Variants in ADAM18 observed in about 807,000 individuals in gnomAD.
ADAM18 encodes the protein ADAM metallopeptidase domain 18.
A neutral mutation model predicts 94.4 loss-of-function variants in ADAM18; 117 were observed. The ratio of observed to expected loss-of-function variants is 1.24; its 90% CI spans 1.07 to 1.45. The LOEUF (loss-of-function observed/expected upper bound fraction) is 1.45, where lower values mean the gene tolerates loss of function less well. Ranked by LOEUF, ADAM18 falls within the 40% of genes most tolerant of loss-of-function variation. ADAM18 has a pLI of 0.00. For synonymous variants in ADAM18, 327 were observed against 291.6 expected, an observed-to-expected ratio of 1.12 and a Z score of -1.24; for missense variants, 936 against 880.0, an observed-to-expected ratio of 1.06 and a Z score of -0.81.
chr8:39,624,328 T>C (rs2129578887), intron 6 of ADAM18, among the ~76,000 whole-genome samples: 1 of 152,312 alleles, frequency 6.6e-6, no homozygotes. Context: ...TTTTTGTATA[T>C]GGTGAGAGAG....
At chr8:39,643,748 A>G (rs1385002534) in intron 10 of ADAM18, among the ~76,000 whole-genome samples, 1 of 151,746 alleles carries the variant, frequency 6.6e-6, no homozygotes, top group Non-Finnish European at 1.5e-5. Flanking sequence ...TTCTGTTCAC[A>G]TGAAGTTCTT....
chr8:39,650,015 A>G (rs1820489517), intron 12 of ADAM18, among the ~76,000 whole-genome samples: 1 of 152,228 alleles, frequency 6.6e-6, no homozygotes, highest in Admixed American at 6.5e-5. Flanking sequence ...AACAGATACT[A>G]TATGACAAGC....
At chr8:39,715,724 TAAAAC>T (rs1305083811) in intron 18 of ADAM18, among the ~76,000 whole-genome samples, 1 of 151,798 alleles carries the variant, frequency 6.6e-6, no homozygotes, top group African/African-American at 2.4e-5. Flanking sequence ...AACAACACAA[TAAAAC>T]AAAACTCACA....
chr8:39,694,399 G>A (rs917078044), intron 17 of ADAM18, among the ~76,000 whole-genome samples: 1 of 151,240 alleles, frequency 6.6e-6, no homozygotes, highest in East Asian at 1.9e-4. Flanking sequence ...TTTTAAAATA[G>A]TAAGCCAACT....
chr8:39,630,806 C>T (rs543930966), intron 7 of ADAM18, among the ~76,000 whole-genome samples: 25 of 151,926 alleles, frequency 1.6e-4, no homozygotes, highest in African/African-American at 5.8e-4. Context: ...TATTGGTAAA[C>T]AGTTGAAAAG....
chr8:39,610,600 T>C lies in ADAM18; in HGVS notation c.416T>C (p.Ile139Thr), dbSNP rs1489390838. The C allele has an allele frequency of 6.2e-7, 1 of 1,613,020 alleles. No homozygotes were observed. Among genetic ancestry groups the C allele is most frequent in the South Asian group, 1.1e-5 (1 of 90,978 alleles). ...GAATCTTCAGCAAGATTTGAGCATA[T>C]AATTTATCAAATGAAAAATAATGAT... is the stretch of plus-strand genomic sequence containing the variant. ...PVESSARFEH[I>T]IYQMKNNDPN... Residue 139 changes from isoleucine (I) to threonine (T), a missense_variant, in exon 6 of 20, where the codon ATA (isoleucine) becomes ACA (threonine). Ile to Thr is a moderately conservative substitution (Grantham distance 89). Coordinates refer to ENST00000265707, the MANE Select transcript of ADAM18 (RefSeq NM_014237.3).
intron 7 of ADAM18, among the ~76,000 whole-genome samples, chr8:39,635,773 G>A (rs1428993696): frequency 6.6e-6 from 1 of 152,038 alleles, no homozygotes; most frequent in East Asian, 1.9e-4. Flanking sequence ...TTCTAGAAAT[G>A]TTTCTCAGTT....
chr8:39,719,640 G>A (rs574868122), intron 18 of ADAM18, among the ~76,000 whole-genome samples: 4 of 151,322 alleles, frequency 2.6e-5, no homozygotes, highest in African/African-American at 9.7e-5. Flanking sequence ...TAAAAAAGGG[G>A]GGCAAAATAA....
chr8:39,689,538 G>C (rs546748789), intron 16 of ADAM18, among the ~76,000 whole-genome samples: 1 of 152,246 alleles, frequency 6.6e-6, no homozygotes, highest in African/African-American at 2.4e-5. Flanking sequence ...TCTCTGTTCT[G>C]TTCCTTTGGT....
At position 39,668,042 on chromosome 8, in the gene ADAM18, G is replaced by A. The variant is rs753436173; in HGVS notation, c.1371G>A (p.Glu457=). Residue 457 remains glutamate (E), a synonymous_variant, in exon 14 of 20, where the codon GAG becomes GAA. Transcript: ENST00000265707. ...CATGTAGAAAGAGTATTGATCCAGA[G>A]TGTGATTTTACAGAGTACTGCAATG... ...GTPCRKSIDP[E]CDFTEYCNGT... 1 of 1,614,094 alleles carries A rather than the reference G, an allele frequency of 6.2e-7. No individual in the cohort carries two copies. The highest frequency in any genetic ancestry group is 8.5e-7 in the Non-Finnish European group (1 of 1,179,988).
rs10093377 is a variant in ADAM18 at position 39,721,293 on chromosome 8, A to G, written c.2018-2455A>G. 5.8e-3 allele frequency among the ~76,000 whole-genome samples: 876 copies of G among 151,650 alleles called. 11 individuals carry two copies. Among genetic ancestry groups the G allele is most frequent in the African/African-American group, 0.02 (837 of 41,504 alleles). ...CAAGACAGGTTAACAACTTAAATGT[A>G]AGACTTGAAAGTATAAAAGTTCTTA... On this transcript the variant is annotated intron_variant, in intron 18 of 19. Coordinates refer to ENST00000265707, the MANE Select transcript of ADAM18 (RefSeq NM_014237.3).
At chr8:39,727,678 T>C (rs1014027120) in intron 19 of ADAM18, among the ~76,000 whole-genome samples, 9 of 152,192 alleles carry the variant, frequency 5.9e-5, no homozygotes, top group African/African-American at 2.2e-4. Flanking sequence ...CATATCACTG[T>C]CAGCCTTTTG....
At chr8:39,695,449 A>T (rs1475133796) in intron 17 of ADAM18, among the ~76,000 whole-genome samples, 1 of 151,466 alleles carries the variant, frequency 6.6e-6, no homozygotes, top group Non-Finnish European at 1.5e-5. Flanking sequence ...TTTAGTGGTA[A>T]CTCAATGTTG....
rs2129579595 is a variant in ADAM18, at chr8:39,648,403, T to C, written c.1106T>C (p.Val369Ala). ...AGCATGCACGACTATAGATATTTTG[T>C]TTCAAAATTTGAGACTAAATGCCTT... Reference protein sequence around the residue: ...NCSMHDYRYFVSKFETKCLQK... With the variant: ...NCSMHDYRYFASKFETKCLQK... Residue 369 changes from valine to alanine, a missense_variant, in exon 12 of 20, where the codon GTT (valine) becomes GCT (alanine). By Grantham distance (64) the Val-to-Ala change is moderately conservative. Transcript: ENST00000265707. The C allele has an allele frequency of 6.2e-7, 1 of 1,613,168 alleles. No individual in the cohort carries two copies. Among genetic ancestry groups the C allele is most frequent in the Non-Finnish European group, 8.5e-7 (1 of 1,179,620 alleles).
intron 14 of ADAM18, among the ~76,000 whole-genome samples, chr8:39,673,881 C>T (rs1204077474): frequency 6.6e-6 from 1 of 152,136 alleles, no homozygotes; most frequent in African/African-American, 2.4e-5. Context: ...TTGTTATTTA[C>T]CCAGTAGTCA....
At chr8:39,715,357 C>A (rs561314297) in intron 18 of ADAM18, among the ~76,000 whole-genome samples, 60 of 151,510 alleles carry the variant, frequency 4.0e-4, no homozygotes, top group African/African-American at 1.5e-3. Flanking sequence ...GCATGGAATG[C>A]GTATATAATA....
chr8:39,605,458 A>G (rs1041092012), intron 2 of ADAM18, among the ~76,000 whole-genome samples: 22 of 151,958 alleles, frequency 1.4e-4, no homozygotes, highest in African/African-American at 5.1e-4. Context: ...CTCTTTTTCC[A>G]CAGTTTTATA....
rs1821040665 is a variant in ADAM18 at position 39,668,090 on chromosome 8, T to C, written c.1419T>C (p.Pro473=). The change falls in exon 14 of 20, where the codon CCT becomes CCC. Residue 473 remains proline, a synonymous_variant. Coordinates refer to ENST00000265707, the MANE Select transcript of ADAM18 (RefSeq NM_014237.3). ...YCNGTSSNCV[P]DTYALNGRLC... ...ATGGAACCTCTAGTAATTGTGTTCC[T>C]GACACTTATGCATTGAATGGCCGTT... 1 of 1,614,164 alleles carries C rather than the reference T, an allele frequency of 6.2e-7. No homozygotes were observed. Among genetic ancestry groups the C allele is most frequent in the Non-Finnish European group, 8.5e-7 (1 of 1,179,992 alleles).
chr8:39,729,451 A>G (rs1013522447), intron 19 of ADAM18, among the ~76,000 whole-genome samples: 2 of 152,128 alleles, frequency 1.3e-5, no homozygotes, highest in African/African-American at 2.4e-5. Context: ...TATTGTTTTC[A>G]TGTGTGAACT....
Sources: gnomAD v4.1 joint callset for allele counts (sites outside exome capture counted in the v4.1 genomes callset) on GRCh38, gnomAD v4.1.1 for gene constraint, MANE v1.5 for transcripts, NCBI Gene and HGNC (gene_info 2026-07-23, HGNC 2026-07-21) for gene names.